The following PRH1 variants were observed in gnomAD, a reference collection of about 807,000 sequenced individuals.
PRH1 encodes salivary acidic proline-rich phosphoprotein 1/2.
In PRH1, 7 loss-of-function variants were observed where a neutral mutation model predicts 7.9. That is an observed-to-expected ratio of 0.89 (90% CI 0.50 to 1.67). The LOEUF (loss-of-function observed/expected upper bound fraction) is 1.67, where lower values mean the gene tolerates loss of function less well. Ranked by LOEUF, PRH1 falls within the 40% of genes most tolerant of loss-of-function variation. PRH1 has a pLI of 0.00. For missense variants in PRH1, 109 were observed against 223.6 expected (o/e 0.49, Z 3.27); for synonymous variants, 45 against 80.8 (o/e 0.56, Z 2.38).
chr12:11,161,491 T>C (rs968325201), intron 1 of PRH1, among the ~76,000 whole-genome samples: 3 of 152,182 alleles, frequency 2.0e-5, no homozygotes, highest in Admixed American at 1.3e-4. Context: ...AAGAAGGCCA[T>C]GTTTAATGAG....
chr12:11,003,517 T>C (rs1240319653), intron 1 of PRH1, among the ~76,000 whole-genome samples: 1 of 151,860 alleles, frequency 6.6e-6, no homozygotes, highest in African/African-American at 2.4e-5. Flanking sequence ...TAATCACTTA[T>C]ATGTTTCGCT....
chr12:11,161,344 C>T (rs1306784977), intron 1 of PRH1, among the ~76,000 whole-genome samples: 1 of 152,140 alleles, frequency 6.6e-6, no homozygotes, highest in Non-Finnish European at 1.5e-5. Flanking sequence ...CAGTCTAACA[C>T]AGAAATTGGA....
At chr12:11,047,111 A>T in exon 1 of PRH1, 1 of 463,320 alleles carries the variant, frequency 2.2e-6, no homozygotes, top group Admixed American at 2.3e-5. Flanking sequence ...ACTGACACAG[A>T]AGAACTTCCA....
intron 1 of PRH1, chr12:11,006,360 T>C (rs1326797393): frequency 2.0e-5 from 3 of 149,496 alleles, no homozygotes; most frequent in Non-Finnish European, 4.4e-5. Flanking sequence ...TTCCATTTCT[T>C]TTCTCCTTTT....
In PRH1 at chr12:10,926,042, A is replaced by T. The variant is rs1391267977; in HGVS notation, c.-58-41767T>A. Among the ~76,000 whole-genome samples, 3 of 152,348 alleles carry T rather than the reference A, an allele frequency of 2.0e-5. No homozygotes were observed. The East Asian group carries it at 5.8e-4, about 29-fold the overall frequency. ...GCTAGGATAGGTGGAAAGAATAGAA[A>T]TATGATAATTAATTGTGAAATGTAT... On this transcript the variant is annotated intron_variant, in intron 2 of 3. Coordinates refer to the PRH1 transcript ENST00000539853.
chr12:11,000,810 T>C (rs1336929807), intron 1 of PRH1, among the ~76,000 whole-genome samples: 1 of 152,152 alleles, frequency 6.6e-6, no homozygotes, highest in Non-Finnish European at 1.5e-5. Context: ...TTCTCTCTTC[T>C]ATGTCTAACT....
chr12:11,070,159 G>A (rs1411875164), intron 1 of PRH1, among the ~76,000 whole-genome samples: 1 of 119,980 alleles, frequency 8.3e-6, no homozygotes, highest in Admixed American at 8.2e-5. Flanking sequence ...CAGGCGCCAG[G>A]GAGAGGCAAT....
chr12:10,913,223 G>T (rs1949925416), intron 2 of PRH1, among the ~76,000 whole-genome samples: 1 of 152,186 alleles, frequency 6.6e-6, no homozygotes, highest in Admixed American at 6.5e-5. Context: ...GGAGGCCGAG[G>T]CGGGTGGATC....
At chr12:10,982,498 T>C (rs1349778590) in intron 1 of PRH1, among the ~76,000 whole-genome samples, 1 of 152,014 alleles carries the variant, frequency 6.6e-6, no homozygotes, top group African/African-American at 2.4e-5. Context: ...GCTAATGCTT[T>C]TTAATCTACA....
chr12:11,128,082 G>A (rs1455777157), intron 1 of PRH1, among the ~76,000 whole-genome samples: 1 of 139,630 alleles, frequency 7.2e-6, no homozygotes, highest in African/African-American at 2.6e-5. Flanking sequence ...CTGCACTCTA[G>A]CCTGGGCGAC....
At chr12:10,890,370 G>A (rs1441210894) in intron 2 of PRH1, among the ~76,000 whole-genome samples, 1 of 151,952 alleles carries the variant, frequency 6.6e-6, no homozygotes, top group East Asian at 1.9e-4. Flanking sequence ...TATCCACAAA[G>A]TCTTCCTAAC....
At chr12:11,015,523 G>A (rs1941252157) in intron 1 of PRH1, among the ~76,000 whole-genome samples, 1 of 151,990 alleles carries the variant, frequency 6.6e-6, no homozygotes. Flanking sequence ...CTGCAGACTC[G>A]TACCAAATTG....
At chr12:11,046,522 T>A (rs186506647) in intron 1 of PRH1, among the ~76,000 whole-genome samples, 1 of 152,262 alleles carries the variant, frequency 6.6e-6, no homozygotes, top group African/African-American at 2.4e-5. Flanking sequence ...AGTTTTCTTC[T>A]GACGTTTTAG....
chr12:11,032,754 G>C (rs1275405716), intron 1 of PRH1, among the ~76,000 whole-genome samples: 1 of 152,090 alleles, frequency 6.6e-6, no homozygotes, highest in African/African-American at 2.4e-5. Flanking sequence ...GAATTCCTCA[G>C]TACCAGACCC....
chr12:10,888,262 G>A (rs1020507344), upstream of PRH1, among the ~76,000 whole-genome samples: 8 of 152,026 alleles, frequency 5.3e-5, no homozygotes, highest in South Asian at 2.1e-4. Context: ...CAATTGATTC[G>A]CAAATGTAAT....
At chr12:10,971,170 TG>T (rs1938797898) in intron 2 of PRH1, among the ~76,000 whole-genome samples, 1 of 148,280 alleles carries the variant, frequency 6.7e-6, no homozygotes, top group Admixed American at 6.8e-5. Flanking sequence ...ATATGCCTTC[TG>T]TTGATCCCAT....
At chr12:10,889,197 T>A (rs1391536408), upstream of PRH1, among the ~76,000 whole-genome samples, 1 of 152,238 alleles carries the variant, frequency 6.6e-6, no homozygotes, top group Non-Finnish European at 1.5e-5. Context: ...ATAGGTTTGT[T>A]GGAAAGAAAT....
intron 1 of PRH1, chr12:11,077,350 G>A (rs1944326779): frequency 5.5e-6 from 2 of 366,202 alleles, no homozygotes; most frequent in Non-Finnish European, 1.0e-5. Flanking sequence ...CACTAAGCAT[G>A]TGACCTGACA....
intron 1 of PRH1, among the ~76,000 whole-genome samples, chr12:11,080,136 CTT>C (rs377077377): frequency 7.9e-6 from 1 of 125,842 alleles, no homozygotes; most frequent in Non-Finnish European, 1.8e-5. Context: ...TTATGATCAT[CTT>C]TTTTTAAATT....
Sources: gnomAD v4.1 joint callset for allele counts (sites outside exome capture counted in the v4.1 genomes callset) on GRCh38, gnomAD v4.1.1 for gene constraint, MANE v1.5 for transcripts, NCBI Gene and HGNC (gene_info 2026-07-23, HGNC 2026-07-21) for gene names.